TTC29: variants seen among roughly 807,000 people sequenced by gnomAD.
TTC29 encodes tetratricopeptide repeat domain 29, also known as tetratricopeptide repeat protein 29.
A neutral mutation model predicts 58.1 loss-of-function variants in TTC29; 49 were observed. That is an observed-to-expected ratio of 0.84 (90% confidence interval 0.67 to 1.07). The LOEUF (loss-of-function observed/expected upper bound fraction) is 1.07, where lower values mean the gene tolerates loss of function less well. Ranked by LOEUF, TTC29 falls within the 50% of genes least tolerant of loss-of-function variation. The pLI is 0.00. For missense variants in TTC29, 582 were observed against 555.6 expected (o/e 1.05, Z -0.48); for synonymous variants, 209 against 196.8 (o/e 1.06, Z -0.52).
chr4:146,937,652 C>A lies in TTC29; in HGVS notation c.118G>T (p.Asp40Tyr). 6.5e-7 allele frequency: 1 copy of A among 1,533,886 alleles called. No individual in the cohort carries two copies. The highest frequency in any genetic ancestry group is 1.2e-5 in the South Asian group (1 of 80,960). ...PRSQLIKEKD[D>Y]IDHYLEVNFK... ...TTTACCTCTAGATAATGATCTATGT[C>A]ATCTTTTTCTTTGATCAATTGAGAC... The change falls in exon 4 of 13, where the codon GAC becomes TAC. Residue 40 changes from aspartate to tyrosine, a missense_variant. Asp to Tyr is a radical substitution (Grantham distance 160). Coordinates refer to ENST00000325106, the MANE Select transcript of TTC29 (RefSeq NM_031956.4).
Position 146,867,532 on chromosome 4 carries a change from T to A in TTC29, c.851A>T (p.His284Leu). 1 of 1,554,698 alleles carries A rather than the reference T, an allele frequency of 6.4e-7. No individual in the cohort carries two copies. The highest frequency in any genetic ancestry group is 1.2e-5 in the South Asian group (1 of 80,506). The change falls in exon 8 of 13, where the codon CAC becomes CTC. Residue 284 changes from histidine to leucine, a missense_variant. His to Leu is a moderately conservative substitution (Grantham distance 99). Coordinates refer to ENST00000325106, the MANE Select transcript of TTC29 (RefSeq NM_031956.4). The part of the protein sequence containing the change: ...AEASYYLGLA[H>L]LAAEEYETAL... Reference sequence around the variant, plus strand: ...TGTTTCATATTCCTCAGCAGCTAAGTGTGCTAAGCCCAAGTAGTAAGAGGC... The same window carrying A: ...TGTTTCATATTCCTCAGCAGCTAAGAGTGCTAAGCCCAAGTAGTAAGAGGC...
intron 9 of TTC29, among the ~76,000 whole-genome samples, chr4:146,821,688 A>T (rs1283463850): frequency 6.6e-6 from 1 of 152,230 alleles, no homozygotes; most frequent in Non-Finnish European, 1.5e-5. Context: ...AAAGCTAAGC[A>T]TCCAGGTAAA....
intron 11 of TTC29, among the ~76,000 whole-genome samples, chr4:146,767,389 T>C (rs774399568): frequency 6.6e-6 from 1 of 152,020 alleles, no homozygotes; most frequent in Non-Finnish European, 1.5e-5. Flanking sequence ...CTTAGATCTT[T>C]CCCTACCTTT....
chr4:146,807,394 A>T (rs1218418802), intron 10 of TTC29, among the ~76,000 whole-genome samples: 3 of 152,100 alleles, frequency 2.0e-5, no homozygotes, highest in Non-Finnish European at 2.9e-5. Flanking sequence ...AAGATCAGAG[A>T]AGAACTGAAG....
intron 11 of TTC29, among the ~76,000 whole-genome samples, chr4:146,740,753 G>A (rs1309301465): frequency 6.6e-6 from 1 of 151,844 alleles, no homozygotes; most frequent in Non-Finnish European, 1.5e-5. Flanking sequence ...TCTCACTCAA[G>A]CCACTTCACT....
intron 11 of TTC29, among the ~76,000 whole-genome samples, chr4:146,785,674 CT>C (rs1478188731): frequency 6.6e-6 from 1 of 152,104 alleles, no homozygotes; most frequent in African/African-American, 2.4e-5. Context: ...AATGATTAAA[CT>C]TTTTCGTTGT....
intron 11 of TTC29, among the ~76,000 whole-genome samples, chr4:146,797,644 T>C (rs1294533078): frequency 6.6e-6 from 1 of 151,798 alleles, no homozygotes; most frequent in African/African-American, 2.4e-5. Flanking sequence ...GTGTCCTTCC[T>C]CTCCCACCTC....
At chr4:146,886,525 C>T (rs1005365002) in intron 6 of TTC29, among the ~76,000 whole-genome samples, 5 of 152,082 alleles carry the variant, frequency 3.3e-5, no homozygotes, top group Non-Finnish European at 7.4e-5. Context: ...ATGGGATACT[C>T]ATTGAACACG....
chr4:146,912,003 A>T lies in TTC29; in HGVS notation c.177-2754T>A, dbSNP rs367867949. Among the ~76,000 whole-genome samples the T allele has an allele frequency of 2.6e-5, 4 of 152,220 alleles. No individual in the cohort carries two copies. The East Asian group carries it at 5.8e-4, about 22-fold the overall frequency. ...GCAGTGACAATTACAAAGTCCTAGA[A>T]GTCAGAGGTGTCCAGTCTTTTGGCT... is the stretch of plus-strand genomic sequence containing the variant. On this transcript the variant is annotated intron_variant, in intron 4 of 12. Coordinates refer to ENST00000325106, the MANE Select transcript of TTC29 (RefSeq NM_031956.4).
At chr4:146,894,928 A>G (rs1732664200) in intron 6 of TTC29, among the ~76,000 whole-genome samples, 1 of 152,122 alleles carries the variant, frequency 6.6e-6, no homozygotes, top group African/African-American at 2.4e-5. Flanking sequence ...GGTTTACTGT[A>G]CAGATCATCC....
intron 12 of TTC29, 53 bp downstream of exon 12, chr4:146,707,432 T>C: frequency 3.9e-6 from 5 of 1,271,670 alleles, no homozygotes; most frequent in Non-Finnish European, 5.7e-6. Flanking sequence ...TTATGCTTAG[T>C]ATATTGCGCA....
At chr4:146,827,644 T>C (rs912871151) in intron 9 of TTC29, among the ~76,000 whole-genome samples, 14 of 152,214 alleles carry the variant, frequency 9.2e-5, no homozygotes, top group African/African-American at 3.1e-4. Context: ...AGAAAACTTT[T>C]GTCTCTTCAT....
intron 11 of TTC29, among the ~76,000 whole-genome samples, chr4:146,794,572 C>CTATT (rs1312231002): frequency 1.3e-5 from 2 of 151,868 alleles, no homozygotes; most frequent in Non-Finnish European, 2.9e-5. Context: ...CTTTCTTTTC[C>CTATT]TATTGATCTT....
intron 6 of TTC29, among the ~76,000 whole-genome samples, chr4:146,900,361 C>A (rs530333402): frequency 1.3e-5 from 2 of 152,224 alleles, no homozygotes; most frequent in African/African-American, 4.8e-5. Flanking sequence ...TCTTCGTAAC[C>A]CAAACTTCTT....
chr4:146,812,387 A>T (rs1209460447), intron 10 of TTC29, among the ~76,000 whole-genome samples: 1 of 152,220 alleles, frequency 6.6e-6, no homozygotes, highest in East Asian at 1.9e-4. Context: ...TTTATATGTT[A>T]TTAAGTTAAA....
chr4:146,722,107 C>T (rs1032713577), intron 11 of TTC29, among the ~76,000 whole-genome samples: 1 of 151,892 alleles, frequency 6.6e-6, no homozygotes, highest in African/African-American at 2.4e-5. Flanking sequence ...ATACATCTAA[C>T]CAAGGAGCTG....
At chr4:146,744,918 T>C (rs1481827940) in intron 11 of TTC29, among the ~76,000 whole-genome samples, 1 of 152,208 alleles carries the variant, frequency 6.6e-6, no homozygotes, top group Non-Finnish European at 1.5e-5. Context: ...GAGGGAATCA[T>C]TCCCTCACCT....
At chr4:146,708,569 T>C (rs1040162822) in intron 11 of TTC29, among the ~76,000 whole-genome samples, 2 of 151,164 alleles carry the variant, frequency 1.3e-5, no homozygotes, top group Admixed American at 6.6e-5. Flanking sequence ...GTTACTTAAC[T>C]TTAACTTTCA....
chr4:146,914,919 A>G (rs1029047803), intron 4 of TTC29, among the ~76,000 whole-genome samples: 3 of 152,168 alleles, frequency 2.0e-5, no homozygotes, highest in African/African-American at 7.2e-5. Flanking sequence ...TGGGAAATGG[A>G]GAATTTACTG....
Sources: gnomAD v4.1 joint callset for allele counts (sites outside exome capture counted in the v4.1 genomes callset) on GRCh38, gnomAD v4.1.1 for gene constraint, MANE v1.5 for transcripts, NCBI Gene and HGNC (gene_info 2026-07-23, HGNC 2026-07-21) for gene names.